Variants in VRK3 observed in about 807,000 individuals in gnomAD.
VRK3 encodes VRK serine/threonine kinase 3, also known as serine/threonine-protein kinase VRK3.
A neutral mutation model predicts 60.4 loss-of-function variants in VRK3; 50 were observed. That is an observed-to-expected ratio of 0.83 (90% CI 0.66 to 1.05). VRK3 has a LOEUF of 1.05. Among genes scored for constraint, VRK3 ranks in the 50% least tolerant of loss-of-function variants. The pLI is 0.00. For missense variants in VRK3, 549 were observed against 585.3 expected (o/e 0.94, Z 0.64); for synonymous variants, 246 against 227.8 (o/e 1.08, Z -0.72).
chr19:49,987,677 C>G (rs912791743), intron 12 of VRK3: 1 of 148,306 alleles, frequency 6.7e-6, no homozygotes, highest in Non-Finnish European at 1.5e-5. Flanking sequence ...ATGAATGAGT[C>G]ATAGTTTCCC....
In VRK3 at chr19:50,007,751, C is replaced by A. The variant is rs779437641; in HGVS notation, c.365G>T (p.Ser122Ile). 1.7e-5 allele frequency: 27 copies of A among 1,613,648 alleles called. 1 individual carries two copies. In the Admixed American group the frequency reaches 4.2e-4, roughly 25 times the overall value. Residue 122 changes from serine (S) to isoleucine (I), a missense_variant, in exon 5 of 15, where the codon AGC becomes ATC. Ser to Ile is a moderately radical substitution (Grantham distance 142). Transcript: ENST00000316763. The part of the protein sequence containing the change: ...TRKSPQVTRG[S>I]PQKTSCSPQK... ...AGGGCTACAGCTGGTCTTCTGAGGG[C>A]TACCCCTGGTCACCTGAGGGCTCTT...
At chr19:49,987,463 T>C (rs1185927746) in intron 12 of VRK3, among the ~76,000 whole-genome samples, 4 of 152,208 alleles carry the variant, frequency 2.6e-5, no homozygotes, top group East Asian at 3.9e-4. Flanking sequence ...ATGCCCTTAG[T>C]GTTCAATCTC....
chr19:50,022,700 G>C (rs967905206), intron 1 of VRK3, among the ~76,000 whole-genome samples: 3 of 152,044 alleles, frequency 2.0e-5, no homozygotes, highest in Non-Finnish European at 2.9e-5. Flanking sequence ...AGGCTGAGGC[G>C]CAAGAGTCGC....
intron 1 of VRK3, among the ~76,000 whole-genome samples, chr19:50,024,100 G>C (rs1033396618): frequency 1.3e-5 from 2 of 152,162 alleles, no homozygotes; most frequent in African/African-American, 4.8e-5. Context: ...ACCATGCCCG[G>C]CTAATTTTTT....
chr19:49,999,627 T>G (rs1483611076), intron 6 of VRK3: 2 of 152,290 alleles, frequency 1.3e-5, no homozygotes, highest in Non-Finnish European at 2.9e-5. Context: ...CCCAGTGCCC[T>G]GTGCTCCCCT....
rs146393095 is a variant in VRK3, at chr19:50,014,919, A to G, written c.139+1105T>C. ...GAGCAGAGGGCAAGAAGGCTTCTGC[A>G]TAAGAGAGGTGAGGACCAGGGATGT... is the stretch of plus-strand genomic sequence containing the variant. On this transcript the variant is annotated intron_variant, in intron 3 of 14. Coordinates refer to ENST00000316763, the MANE Select transcript of VRK3 (RefSeq NM_016440.4). Among the ~76,000 whole-genome samples the G allele has an allele frequency of 7.4e-3, 1,128 of 152,242 alleles. 6 individuals carry two copies. Among genetic ancestry groups the G allele is most frequent in the Non-Finnish European group, 8.3e-3 (562 of 67,986 alleles).
intron 13 of VRK3, among the ~76,000 whole-genome samples, chr19:49,980,326 G>A (rs2076401433): frequency 6.6e-6 from 1 of 152,138 alleles, no homozygotes; most frequent in South Asian, 2.1e-4. Context: ...TAAAAGCTGT[G>A]GTGCATCTAT....
chr19:49,977,818 C>T (rs909072033), intron 14 of VRK3, among the ~76,000 whole-genome samples: 4 of 152,080 alleles, frequency 2.6e-5, no homozygotes, highest in African/African-American at 7.2e-5. Flanking sequence ...ACTTTACTCT[C>T]GGCACCACTG....
intron 9 of VRK3, among the ~76,000 whole-genome samples, chr19:49,994,438 C>A (rs556833694): frequency 7.9e-5 from 12 of 152,248 alleles, no homozygotes; most frequent in Non-Finnish European, 1.6e-4. Flanking sequence ...TCCACACAAG[C>A]CTTGCCCCAG....
Position 49,982,040 on chromosome 19 carries a change from C to T in VRK3, c.1218-1027G>A, listed in dbSNP as rs2076432839. On this transcript the variant is annotated intron_variant, in intron 12 of 14. Transcript: ENST00000316763. Reference sequence around the variant, plus strand: ...CTGACTCAAAGGGAGGGAGGTGGTCCCCCGGAGGCGGCTGCATAACGGAGA... The same window carrying T: ...CTGACTCAAAGGGAGGGAGGTGGTCTCCCGGAGGCGGCTGCATAACGGAGA... The T allele has an allele frequency of 3.3e-5, 22 of 672,382 alleles. No homozygotes were observed. In the South Asian group the frequency reaches 3.5e-4, roughly 11 times the overall value. 41.7% of individuals were successfully genotyped at this position (672,382 alleles called of 1,614,324 possible). A position where few individuals can be genotyped will look rare whatever the true frequency, so the allele number is the denominator to read the frequency against.
At chr19:50,003,122 G>A (rs534441741) in intron 5 of VRK3, among the ~76,000 whole-genome samples, 4 of 152,198 alleles carry the variant, frequency 2.6e-5, no homozygotes, top group African/African-American at 9.6e-5. Flanking sequence ...AAGGTCAAGC[G>A]ACAAGCGGCA....
In VRK3 at chr19:49,977,853, C is replaced by T. The variant is rs140698440; in HGVS notation, c.*12-1069G>A. Among the ~76,000 whole-genome samples the T allele has an allele frequency of 1.1e-4, 17 of 152,262 alleles. No individual in the cohort carries two copies. In the East Asian group the frequency reaches 3.3e-3, roughly 29 times the overall value. The stretch of plus-strand genomic sequence containing the variant: ...GGTTGAGGCAGAGAGCCTGCTACTC[C>T]ACCACGGAGAAAAGAGTCCCCACCC... On this transcript the variant is annotated intron_variant, in intron 14 of 14. Coordinates refer to ENST00000316763, the MANE Select transcript of VRK3 (RefSeq NM_016440.4).
chr19:49,991,712 A>G (rs547255761), intron 10 of VRK3, among the ~76,000 whole-genome samples: 34 of 152,266 alleles, frequency 2.2e-4, no homozygotes, highest in Non-Finnish European at 4.0e-4. Context: ...CAATTTTGTC[A>G]CCATGAGGAA....
intron 3 of VRK3, 87 bp downstream of exon 3, chr19:50,015,937 G>C (rs1240131850): frequency 1.3e-6 from 2 of 1,570,982 alleles, no homozygotes; most frequent in Non-Finnish European, 1.7e-6. Context: ...GGTCAGACAG[G>C]CTGCAAAGGC....
intron 5 of VRK3, among the ~76,000 whole-genome samples, chr19:50,004,723 C>T (rs1488601714): frequency 6.6e-6 from 1 of 152,024 alleles, no homozygotes; most frequent in East Asian, 1.9e-4. Context: ...GCCTGGGCAA[C>T]ACAGTGAGAC....
chr19:50,005,424 C>T (rs1480290625), intron 5 of VRK3, among the ~76,000 whole-genome samples: 1 of 149,576 alleles, frequency 6.7e-6, no homozygotes, highest in Non-Finnish European at 1.5e-5. Context: ...TCCTGGAAAA[C>T]TTGGAAGATT....
At chr19:50,012,355 T>C (rs576949561) in intron 3 of VRK3, among the ~76,000 whole-genome samples, 1 of 152,308 alleles carries the variant, frequency 6.6e-6, no homozygotes, top group South Asian at 2.1e-4. Context: ...TGTTCCCTTA[T>C]ATATGTTCCA....
chr19:50,002,489 G>A (rs2076823738), intron 5 of VRK3, among the ~76,000 whole-genome samples: 1 of 152,194 alleles, frequency 6.6e-6, no homozygotes, highest in Non-Finnish European at 1.5e-5. Context: ...CCCAGGCATA[G>A]TAACAGTGCC....
intron 12 of VRK3, among the ~76,000 whole-genome samples, chr19:49,982,645 G>A (rs1023990695): frequency 6.6e-6 from 1 of 152,174 alleles, no homozygotes; most frequent in Non-Finnish European, 1.5e-5. Flanking sequence ...TCTGTAAGTG[G>A]CCATGAAAGA....
Sources: gnomAD v4.1 joint callset for allele counts (sites outside exome capture counted in the v4.1 genomes callset) on GRCh38, gnomAD v4.1.1 for gene constraint, MANE v1.5 for transcripts, NCBI Gene and HGNC (gene_info 2026-07-23, HGNC 2026-07-21) for gene names.